The following COP1 variants were observed in gnomAD, a reference collection of about 807,000 sequenced individuals.
COP1 encodes E3 ubiquitin-protein ligase COP1.
In COP1, 24 loss-of-function variants were observed where a neutral mutation model predicts 101.3. That is an observed-to-expected ratio of 0.24 (90% CI 0.17 to 0.33). The LOEUF (loss-of-function observed/expected upper bound fraction) is 0.33. Among genes scored for constraint, COP1 ranks in the 10% least tolerant of loss-of-function variants. COP1 has a pLI of 1.00. For missense variants in COP1, 663 were observed against 906.2 expected, an observed-to-expected ratio of 0.73 and a Z score of 3.45; for synonymous variants, 347 against 341.9, an observed-to-expected ratio of 1.01 and a Z score of -0.17.
rs533322213 is a variant in COP1, at chr1:176,190,183, T to C, written c.408-5491A>G. Among the ~76,000 whole-genome samples, 3 of 152,212 alleles carry C rather than the reference T, an allele frequency of 2.0e-5. No individual in the cohort carries two copies. In the East Asian group the frequency reaches 5.8e-4, roughly 29 times the overall value. On this transcript the variant is annotated intron_variant, in intron 1 of 19. Coordinates refer to ENST00000367669, the MANE Select transcript of COP1 (RefSeq NM_022457.7). ...TGTTTCAGATTCGGATCTGTCTGCA[T>C]TTTGAAATATTTGCATTTATATTCT... is the stretch of plus-strand genomic sequence containing the variant.
intron 15 of COP1, among the ~76,000 whole-genome samples, chr1:176,000,910 A>T (rs1183395268): frequency 6.6e-6 from 1 of 152,040 alleles, no homozygotes; most frequent in African/African-American, 2.4e-5. Context: ...TCAGATGATC[A>T]CTAATTTAAT....
intron 6 of COP1, among the ~76,000 whole-genome samples, chr1:176,140,347 T>C (rs1490814752): frequency 6.6e-6 from 1 of 152,100 alleles, no homozygotes; most frequent in Non-Finnish European, 1.5e-5. Context: ...ACAGACAGAA[T>C]GCAAAACAAA....
chr1:176,095,821 C>T (rs1440251758), intron 9 of COP1, among the ~76,000 whole-genome samples: 1 of 152,156 alleles, frequency 6.6e-6, no homozygotes, highest in African/African-American at 2.4e-5. Context: ...GACTGGTAGA[C>T]ACTGTTCTTC....
intron 11 of COP1, among the ~76,000 whole-genome samples, chr1:176,064,428 C>A (rs1448765302): frequency 1.3e-5 from 2 of 152,098 alleles, no homozygotes; most frequent in South Asian, 2.1e-4. Context: ...ACTTTTGAAT[C>A]CCTGAGTATA....
intron 15 of COP1, among the ~76,000 whole-genome samples, chr1:176,019,240 G>A (rs1421153216): frequency 2.0e-5 from 3 of 150,968 alleles, no homozygotes; most frequent in Admixed American, 6.6e-5. Context: ...CGAGGCGGGC[G>A]GATCACGAGG....
At chr1:176,203,092 C>T (rs1489844843) in intron 1 of COP1, among the ~76,000 whole-genome samples, 1 of 151,992 alleles carries the variant, frequency 6.6e-6, no homozygotes, top group Non-Finnish European at 1.5e-5. Flanking sequence ...AATCCCAGCA[C>T]TTTGGGAGGC....
chr1:175,998,492 GA>G lies in COP1; in HGVS notation c.1730-9014del, dbSNP rs199590653. 2.0e-3 allele frequency among the ~76,000 whole-genome samples: 293 copies of G among 147,402 alleles called. 1 individual carries two copies. The highest frequency in any genetic ancestry group is 6.3e-3 in the African/African-American group (254 of 40,014). On this transcript the variant is annotated intron_variant, in intron 15 of 19. Coordinates refer to ENST00000367669, the MANE Select transcript of COP1 (RefSeq NM_022457.7). Reference sequence around the variant, plus strand: ...TAAAATTAAAAAAAGAGAAAAAAAAGAAAAAAAAATAGAACCATGGATTAAC... The same window carrying G: ...TAAAATTAAAAAAAGAGAAAAAAAAGAAAAAAAATAGAACCATGGATTAAC...
At chr1:176,087,524 T>C (rs1680448227) in intron 9 of COP1, among the ~76,000 whole-genome samples, 1 of 152,164 alleles carries the variant, frequency 6.6e-6, no homozygotes, top group South Asian at 2.1e-4. Context: ...TCATTGGCCA[T>C]CAGAGAAATG....
At chr1:175,954,962 T>A (rs1215511613) in intron 18 of COP1, among the ~76,000 whole-genome samples, 1 of 152,056 alleles carries the variant, frequency 6.6e-6, no homozygotes, top group Admixed American at 6.6e-5. Flanking sequence ...GTAAAGAGAA[T>A]AGAAAAGGCC....
intron 1 of COP1, among the ~76,000 whole-genome samples, chr1:176,204,700 G>C (rs1700643047): frequency 6.6e-6 from 1 of 152,216 alleles, no homozygotes. Context: ...GAGGCGAGCA[G>C]ATCACCTGAG....
At chr1:176,127,595 G>GTGTGTGTA (rs1558162883) in intron 8 of COP1, among the ~76,000 whole-genome samples, 109 of 87,066 alleles carry the variant, frequency 1.3e-3, no homozygotes, top group African/African-American at 3.3e-3. Flanking sequence ...GTGTGTATGT[G>GTGTGTGTA]TATATATGTG....
intron 8 of COP1, chr1:176,133,898 A>G (rs1335366314): frequency 4.5e-6 from 2 of 440,568 alleles, no homozygotes; most frequent in Non-Finnish European, 9.1e-6. Context: ...ACTGAATTCA[A>G]GGCTTAAAGA....
chr1:176,173,224 T>C (rs1696356799), intron 3 of COP1, among the ~76,000 whole-genome samples: 1 of 148,922 alleles, frequency 6.7e-6, no homozygotes, highest in African/African-American at 2.5e-5. Flanking sequence ...GGCAGGAGAA[T>C]CATGTGAGCC....
In COP1 at chr1:176,184,662, T is replaced by C. The variant is rs1698229725; in HGVS notation, c.438A>G (p.Ala146=). The C allele has an allele frequency of 1.2e-6, 2 of 1,609,622 alleles. No individual in the cohort carries two copies. Among genetic ancestry groups the C allele is most frequent in the Non-Finnish European group, 1.7e-6 (2 of 1,177,594 alleles). ...CPICFDMIEE[A]YMTKCGHSFC... ...AGCTGTGGCCACATTTTGTCATGTA[T>C]GCTTCTTCAATCATATCAAAGCAGA... The change falls in exon 2 of 20, where the codon GCA becomes GCG. Residue 146 remains alanine, a synonymous_variant. Transcript: ENST00000367669.
intron 18 of COP1, among the ~76,000 whole-genome samples, chr1:175,966,351 T>C (rs1389238977): frequency 6.6e-6 from 1 of 152,150 alleles, no homozygotes; most frequent in Non-Finnish European, 1.5e-5. Context: ...CACATATTTA[T>C]TGAGCACTAT....
At chr1:176,163,782 T>G (rs1381786746) in intron 4 of COP1, 33 bp downstream of exon 4, 1 of 1,316,362 alleles carries the variant, frequency 7.6e-7, no homozygotes, top group African/African-American at 1.5e-5. Context: ...AAAATGAAAT[T>G]TATTAAAAAT....
chr1:176,124,869 A>T (rs2481626), intron 8 of COP1, among the ~76,000 whole-genome samples: 143,123 of 152,290 alleles, frequency 0.94, 67,690 homozygotes, highest in East Asian at 1. Context: ...GTTGTACTAA[A>T]TTACATTCCC....
At chr1:175,989,181 C>A in intron 16 of COP1, 181 bp downstream of exon 16, 1 of 421,468 alleles carries the variant, frequency 2.4e-6, no homozygotes, top group Admixed American at 3.7e-5. Context: ...TAAAAGTGCA[C>A]AATACAGACC....
At chr1:176,022,578 TC>T (rs1307436292) in intron 15 of COP1, among the ~76,000 whole-genome samples, 1 of 152,228 alleles carries the variant, frequency 6.6e-6, no homozygotes, top group African/African-American at 2.4e-5. Flanking sequence ...AAAAAATGTT[TC>T]AATTCTAAAT....
Sources: allele counts gnomAD v4.1 joint callset (sites outside exome capture counted in the v4.1 genomes callset), GRCh38; gene constraint gnomAD v4.1.1; transcripts MANE v1.5; gene names NCBI Gene and HGNC (gene_info 2026-07-23, HGNC 2026-07-21).